Variants in TIAM1 observed in about 807,000 individuals in gnomAD.
TIAM1 encodes rho guanine nucleotide exchange factor TIAM1.
A neutral mutation model predicts 163.5 loss-of-function variants in TIAM1; 65 were observed. That is an observed-to-expected ratio of 0.40 (90% confidence interval 0.33 to 0.49). TIAM1 has a LOEUF of 0.49. Among genes scored for constraint, TIAM1 ranks in the 20% least tolerant of loss-of-function variants. The pLI is 0.77. For missense variants in TIAM1, 1,789 were observed against 2,044.7 expected (o/e 0.87, Z 2.41); for synonymous variants, 833 against 810.1 (o/e 1.03, Z -0.48).
chr21:31,153,809 C>A (rs1355511119), intron 17 of TIAM1, among the ~76,000 whole-genome samples: 1 of 151,864 alleles, frequency 6.6e-6, no homozygotes, highest in African/African-American at 2.4e-5. Flanking sequence ...GCCTATAGTC[C>A]CAGTACTTTG....
Position 31,330,883 on chromosome 21 carries a change from A to G in TIAM1, c.-189+8360T>C, listed in dbSNP as rs974969246. Among the ~76,000 whole-genome samples the G allele has an allele frequency of 3.3e-5, 5 of 151,994 alleles. No homozygotes were observed. The South Asian group carries it at 1.0e-3, about 32-fold the overall frequency. ...GAATTCTAGTGTTAGTTTTATATAC[A>G]CATGCATCCATTTCTAATACTATGA... On this transcript the variant is annotated intron_variant, in intron 2 of 27. Coordinates refer to ENST00000541036, the MANE Select transcript of TIAM1 (RefSeq NM_001353694.2).
chr21:31,351,068 C>T (rs1365119401), intron 2 of TIAM1, among the ~76,000 whole-genome samples: 2 of 152,208 alleles, frequency 1.3e-5, no homozygotes, highest in African/African-American at 2.4e-5. Flanking sequence ...ATACTTGCTG[C>T]CATCTTCCCT....
At chr21:31,124,932 T>G (rs1052903509) in intron 26 of TIAM1, among the ~76,000 whole-genome samples, 3 of 152,204 alleles carry the variant, frequency 2.0e-5, no homozygotes, top group Non-Finnish European at 4.4e-5. Flanking sequence ...GAGTAGCCCA[T>G]TAACGAACAG....
chr21:31,253,076 T>G (rs1342043806), intron 4 of TIAM1, among the ~76,000 whole-genome samples: 1 of 152,262 alleles, frequency 6.6e-6, no homozygotes, highest in Non-Finnish European at 1.5e-5. Flanking sequence ...ACAGGTCTGT[T>G]CTGAAATCAG....
chr21:31,143,129 C>T (rs1236087639), intron 20 of TIAM1, among the ~76,000 whole-genome samples: 1 of 152,148 alleles, frequency 6.6e-6, no homozygotes, highest in Non-Finnish European at 1.5e-5. Context: ...AAACTCCACA[C>T]ACCCCTCCCC....
intron 6 of TIAM1, among the ~76,000 whole-genome samples, chr21:31,234,886 T>TAAAAC (rs1237451158): frequency 4.6e-5 from 7 of 151,638 alleles, no homozygotes; most frequent in African/African-American, 1.7e-4. Flanking sequence ...AAAAAGAAAA[T>TAAAAC]AAAACACAAA....
rs73358813 is a variant in TIAM1 at position 31,414,205 on chromosome 21, G to A, written c.-369+49778C>T. On this transcript the variant is annotated intron_variant, in intron 2 of 28. Transcript: ENST00000286827. ...CAGAACTCATTTTCTTTGTGACAGCGGAACATACAAGCTAAGGGTCCCCAT... is the reference window on the plus strand; with the variant it reads ...CAGAACTCATTTTCTTTGTGACAGCAGAACATACAAGCTAAGGGTCCCCAT... Among the ~76,000 whole-genome samples the A allele has an allele frequency of 1.8e-3, 272 of 152,208 alleles. 2 individuals are homozygous for A. Among genetic ancestry groups the A allele is most frequent in the African/African-American group, 6.1e-3 (253 of 41,520 alleles).
In TIAM1 at chr21:31,333,498, C is replaced by T. The variant is rs189168510; in HGVS notation, c.-189+5745G>A. On this transcript the variant is annotated intron_variant, in intron 2 of 27. Coordinates refer to ENST00000541036, the MANE Select transcript of TIAM1 (RefSeq NM_001353694.2). ...CGTCTCCCAGGCCGGAGTGCAGTGG[C>T]GCAAACATGGCTCACTGCAGCCTCA... 1.8e-3 allele frequency among the ~76,000 whole-genome samples: 278 copies of T among 152,214 alleles called. 5 individuals are homozygous for T. In the South Asian group the frequency reaches 0.028, roughly 15 times the overall value.
In TIAM1 at chr21:31,130,876, A is replaced by G. The variant is rs749295203; in HGVS notation, c.3942+14T>C. 12 of 1,612,902 alleles carry G rather than the reference A, an allele frequency of 7.4e-6. No individual in the cohort carries two copies. The highest frequency in any genetic ancestry group is 2.2e-5 in the South Asian group (2 of 91,062). ...AAATAGTTTCAAACCATGGGGTAAC[A>G]TAAGATGTCTTACAAGTTTCTTCTT... On this transcript the variant is annotated intron_variant, in intron 24 of 27. Coordinates refer to ENST00000541036, the MANE Select transcript of TIAM1 (RefSeq NM_001353694.2).
intron 2 of TIAM1, among the ~76,000 whole-genome samples, chr21:31,444,600 G>C (rs2044548368): frequency 6.6e-6 from 1 of 151,936 alleles, no homozygotes; most frequent in Non-Finnish European, 1.5e-5. Context: ...AATGAGACTG[G>C]ACTAATTATC....
chr21:31,480,911 G>A (rs988331187), intron 1 of TIAM1, among the ~76,000 whole-genome samples: 5 of 151,986 alleles, frequency 3.3e-5, no homozygotes, highest in Admixed American at 6.6e-5. Flanking sequence ...GAGCCCCCAC[G>A]CCCAACTAAT....
intron 2 of TIAM1, among the ~76,000 whole-genome samples, chr21:31,333,163 C>T (rs2075731349): frequency 2.0e-5 from 3 of 152,200 alleles, no homozygotes. Context: ...ATCAGGACCA[C>T]AGAGGCTAGG....
chr21:31,510,624 C>T lies in TIAM1; in HGVS notation c.-421-46589G>A, dbSNP rs149574471. On this transcript the variant is annotated intron_variant, in intron 1 of 28. Transcript: ENST00000286827. ...GGTCAGGAGTTTGAGACCAGTCTGG[C>T]CAACAAGATGAAACCTCGTCTCTAC... 6.6e-3 allele frequency among the ~76,000 whole-genome samples: 1,007 copies of T among 152,120 alleles called. 9 individuals carry two copies. Among genetic ancestry groups the T allele is most frequent in the African/African-American group, 0.023 (963 of 41,504 alleles).
chr21:31,419,402 T>C (rs1050737087), intron 2 of TIAM1, among the ~76,000 whole-genome samples: 1 of 152,152 alleles, frequency 6.6e-6, no homozygotes, highest in East Asian at 1.9e-4. Context: ...AAAACATCTA[T>C]TCAAGGAACA....
In TIAM1 at chr21:31,120,618, T is replaced by C; in HGVS notation, c.4526A>G (p.Asp1509Gly). The change falls in exon 28 of 28, where the codon GAT (aspartate) becomes GGT (glycine). Residue 1509 changes from aspartate (D) to glycine (G), a missense_variant. By Grantham distance (94) the Asp-to-Gly change is moderately conservative. This residue lies in a region of TIAM1 where 415 missense variants were observed against 439.2 expected (regional missense o/e 0.94). Coordinates refer to ENST00000541036, the MANE Select transcript of TIAM1 (RefSeq NM_001353694.2). The surrounding 1 kb of genome is among the most constrained non-coding windows in gnomAD (Gnocchi z 4.2). ...ACCCTTCACGGACTCACAGAACTCATCATCGTCACTGAGGATGTCTGTCTC... is the reference window on the plus strand; with the variant it reads ...ACCCTTCACGGACTCACAGAACTCACCATCGTCACTGAGGATGTCTGTCTC... ...IKETDILSDD[D>G]EFCESVKGAS... is the part of the protein sequence containing the mutation. The C allele has an allele frequency of 1.2e-6, 2 of 1,614,158 alleles. No individual in the cohort carries two copies. The highest frequency in any genetic ancestry group is 1.3e-5 in the African/African-American group (1 of 75,068).
intron 6 of TIAM1, among the ~76,000 whole-genome samples, chr21:31,235,111 C>G (rs968450412): frequency 2.0e-5 from 3 of 152,046 alleles, no homozygotes; most frequent in African/African-American, 7.2e-5. Context: ...ACATGAGGCC[C>G]GGAGAGCAGC....
At chr21:31,264,868 C>A (rs1346629420) in intron 4 of TIAM1, among the ~76,000 whole-genome samples, 2 of 152,112 alleles carry the variant, frequency 1.3e-5, no homozygotes, top group Non-Finnish European at 2.9e-5. Context: ...GCAAACGGAC[C>A]CAGTCTGGAA....
intron 2 of TIAM1, among the ~76,000 whole-genome samples, chr21:31,291,667 C>T (rs1245063985): frequency 6.6e-6 from 1 of 152,362 alleles, no homozygotes; most frequent in Middle Eastern, 3.4e-3. Flanking sequence ...GGACTGCAGG[C>T]ATGCGCTACA....
At chr21:31,320,924 G>A (rs976351161) in intron 2 of TIAM1, among the ~76,000 whole-genome samples, 1 of 151,986 alleles carries the variant, frequency 6.6e-6, no homozygotes, top group Non-Finnish European at 1.5e-5. Context: ...CCTGGGAGGT[G>A]GAGGCTGCAG....
Sources: gnomAD v4.1 joint callset for allele counts (sites outside exome capture counted in the v4.1 genomes callset) on GRCh38, gnomAD v4.1.1 for gene constraint, gnomAD v4.1.1 regional missense constraint, Gnocchi (gnomAD v3.1) non-coding constraint, MANE v1.5 for transcripts, NCBI Gene and HGNC (gene_info 2026-07-23, HGNC 2026-07-21) for gene names.